EPC2: variants seen among roughly 807,000 people sequenced by gnomAD.
The protein encoded by EPC2 is enhancer of polycomb homolog 2.
Under a neutral mutation model 92.1 loss-of-function variants are expected in EPC2, and 14 were observed. The ratio of observed to expected loss-of-function variants is 0.15; its 90% CI spans 0.10 to 0.24. The LOEUF (loss-of-function observed/expected upper bound fraction) is 0.24, where lower values mean the gene tolerates loss of function less well. Among genes scored for constraint, EPC2 ranks in the 10% least tolerant of loss-of-function variants. The probability of loss-of-function intolerance (pLI) is 1.00; values close to 1 mark genes in which losing one functional copy is unlikely to be tolerated. For synonymous variants in EPC2, 340 were observed against 334.7 expected (o/e 1.02, Z -0.17); for missense variants, 755 against 971.5 (o/e 0.78, Z 2.96).
intron 2 of EPC2, among the ~76,000 whole-genome samples, chr2:148,702,637 C>T (rs1681913272): frequency 6.6e-6 from 1 of 152,140 alleles, no homozygotes; most frequent in South Asian, 2.1e-4. Flanking sequence ...TAGAAGATGA[C>T]TCAATACTGT....
chr2:148,690,488 G>A, intron 2 of EPC2, 115 bp downstream of exon 2: 3 of 931,632 alleles, frequency 3.2e-6, no homozygotes, highest in Non-Finnish European at 4.7e-6. Flanking sequence ...CTGATTAATA[G>A]ATATGTTAAA....
chr2:148,653,489 C>T (rs1680725892), intron 1 of EPC2, among the ~76,000 whole-genome samples: 1 of 152,194 alleles, frequency 6.6e-6, no homozygotes, highest in Non-Finnish European at 1.5e-5. Context: ...TTTACATATT[C>T]TATCATGCAG....
intron 12 of EPC2, 150 bp downstream of exon 12, chr2:148,783,906 G>T (rs1683807820): frequency 3.8e-6 from 3 of 782,550 alleles, no homozygotes; most frequent in Non-Finnish European, 4.0e-6. Flanking sequence ...TGGGAAATAG[G>T]TAGATGTTTT....
chr2:148,768,564 A>T (rs13001815), intron 7 of EPC2, among the ~76,000 whole-genome samples: 29,913 of 152,066 alleles, frequency 0.2, 3,595 homozygotes, highest in East Asian at 0.49. Flanking sequence ...TTAGCAAGTC[A>T]TTTCTCTTCT....
At chr2:148,707,074 C>G (rs1275149579) in intron 2 of EPC2, among the ~76,000 whole-genome samples, 1 of 152,102 alleles carries the variant, frequency 6.6e-6, no homozygotes, top group Non-Finnish European at 1.5e-5. Context: ...AGAGTCAAGA[C>G]CCATCAGTGT....
chr2:148,729,552 C>T (rs1682577180), intron 2 of EPC2, among the ~76,000 whole-genome samples: 1 of 152,088 alleles, frequency 6.6e-6, no homozygotes, highest in Non-Finnish European at 1.5e-5. Context: ...AGTTGGGTAT[C>T]TTTTCATCTG....
chr2:148,721,712 C>CTTTTTTTTTTTTTTTTTTTTCT (rs34017461), intron 2 of EPC2, among the ~76,000 whole-genome samples: 1 of 111,532 alleles, frequency 9.0e-6, no homozygotes, highest in African/African-American at 3.5e-5. Context: ...CTGTTTTATT[C>CTTTTTTTTTTTTTTTTTTTTCT]TTTTTTTTTT....
intron 1 of EPC2, among the ~76,000 whole-genome samples, chr2:148,682,805 A>T (rs1016298238): frequency 4.6e-5 from 7 of 152,154 alleles, no homozygotes; most frequent in Non-Finnish European, 8.8e-5. Context: ...CTGTAGTCCA[A>T]TACGGCCTGA....
At chr2:148,666,795 G>A (rs1001895067) in intron 1 of EPC2, among the ~76,000 whole-genome samples, 1 of 152,056 alleles carries the variant, frequency 6.6e-6, no homozygotes, top group Admixed American at 6.6e-5. Flanking sequence ...GTTTGGCTCA[G>A]CAGTGTGTTG....
At chr2:148,741,905 A>G (rs968295512) in intron 2 of EPC2, among the ~76,000 whole-genome samples, 13 of 152,316 alleles carry the variant, frequency 8.5e-5, no homozygotes, top group African/African-American at 2.6e-4. Context: ...TATTCTTTCA[A>G]AAATATCCTG....
chr2:148,730,439 T>C (rs760884091), intron 2 of EPC2, among the ~76,000 whole-genome samples: 4 of 152,220 alleles, frequency 2.6e-5, no homozygotes, highest in South Asian at 2.1e-4. Context: ...GTTTATAATG[T>C]TTTAGAGCAA....
chr2:148,657,510 A>G lies in EPC2; in HGVS notation c.153+12340A>G, dbSNP rs569337392. ...TTCCTCTTAGTGTCTGATTAAGTCT[A>G]GAATAGGGCCTGGGAATTTGCATTT... On this transcript the variant is annotated intron_variant, in intron 1 of 13. Coordinates refer to ENST00000258484, the MANE Select transcript of EPC2 (RefSeq NM_015630.4). Among the ~76,000 whole-genome samples, 3 of 152,250 alleles carry G rather than the reference A, an allele frequency of 2.0e-5. No individual in the cohort carries two copies. The East Asian group carries it at 5.8e-4, about 29-fold the overall frequency.
intron 2 of EPC2, among the ~76,000 whole-genome samples, chr2:148,715,623 A>G (rs181526429): frequency 1.7e-3 from 254 of 152,214 alleles, no homozygotes; most frequent in Non-Finnish European, 2.9e-3. Context: ...TTTGGTTACT[A>G]TAGCCTTGTA....
chr2:148,733,296 C>T (rs747418658), intron 2 of EPC2, among the ~76,000 whole-genome samples: 2 of 151,618 alleles, frequency 1.3e-5, no homozygotes, highest in Non-Finnish European at 2.9e-5. Flanking sequence ...TTCCCAGTTT[C>T]TCAGAAATAC....
chr2:148,690,162 C>A, intron 1 of EPC2, 52 bp from the exon 2 acceptor site: 2 of 1,473,828 alleles, frequency 1.4e-6, no homozygotes, highest in Non-Finnish European at 1.8e-6. Context: ...TAAAATTATG[C>A]ATTGATTAAT....
In EPC2 at chr2:148,787,079, G is replaced by A. The variant is rs1683882687; in HGVS notation, c.*702G>A. 1 of 152,288 alleles carries A rather than the reference G, an allele frequency of 6.6e-6. No homozygotes were observed. The highest frequency in any genetic ancestry group is 2.1e-4 in the South Asian group (1 of 4,826). The allele number at this position is 152,288 out of a possible 1,614,324, so 9.4% of individuals were successfully genotyped here. On this transcript the variant is annotated 3_prime_UTR_variant, in exon 14 of 14. Coordinates refer to ENST00000258484, the MANE Select transcript of EPC2 (RefSeq NM_015630.4). ...CCAATTTATAAAAAATAATTACACAGAAAAAATGGAATAGGAAAAATTATG... is the reference window on the plus strand; with the variant it reads ...CCAATTTATAAAAAATAATTACACAAAAAAAATGGAATAGGAAAAATTATG...
intron 6 of EPC2, among the ~76,000 whole-genome samples, chr2:148,764,151 T>C (rs1683363246): frequency 6.6e-6 from 1 of 152,236 alleles, no homozygotes; most frequent in Non-Finnish European, 1.5e-5. Flanking sequence ...TCAAGCAATA[T>C]TTTTATTGTG....
intron 1 of EPC2, among the ~76,000 whole-genome samples, chr2:148,653,493 C>T (rs1473501460): frequency 6.6e-6 from 1 of 152,212 alleles, no homozygotes; most frequent in Non-Finnish European, 1.5e-5. Flanking sequence ...CATATTCTAT[C>T]ATGCAGAACC....
At chr2:148,784,308 T>C (rs1363683864) in intron 12 of EPC2, among the ~76,000 whole-genome samples, 2 of 152,216 alleles carry the variant, frequency 1.3e-5, no homozygotes, top group African/African-American at 4.8e-5. Context: ...CTTTTATATA[T>C]ACCCATGAAC....
Sources: allele counts gnomAD v4.1 joint callset (sites outside exome capture counted in the v4.1 genomes callset), GRCh38; gene constraint gnomAD v4.1.1; transcripts MANE v1.5; gene names NCBI Gene and HGNC (gene_info 2026-07-23, HGNC 2026-07-21).